EFHD1: variants seen among roughly 807,000 people sequenced by gnomAD.
The protein encoded by EFHD1 is EF-hand domain-containing protein D1.
In EFHD1, 10 loss-of-function variants were observed where a neutral mutation model predicts 17.2. The ratio of observed to expected loss-of-function variants is 0.58; its 90% CI spans 0.36 to 0.99. The LOEUF (loss-of-function observed/expected upper bound fraction) is 0.99, where lower values mean the gene tolerates loss of function less well. EFHD1 is among the 50% of genes least tolerant of loss of function. EFHD1 has a pLI of 0.01. For synonymous variants in EFHD1, 153 were observed against 142.0 expected (o/e 1.08, Z -0.55); for missense variants, 310 against 327.5 (o/e 0.95, Z 0.41).
chr2:232,640,948 T>C (rs2106197739), intron 1 of EFHD1, among the ~76,000 whole-genome samples: 1 of 152,214 alleles, frequency 6.6e-6, no homozygotes, highest in Middle Eastern at 3.4e-3. Context: ...TGGTGAGTGC[T>C]TGACCTTGGA....
upstream of EFHD1, among the ~76,000 whole-genome samples, chr2:232,631,310 C>T (rs1292284644): frequency 6.6e-6 from 1 of 151,750 alleles, no homozygotes; most frequent in African/African-American, 2.4e-5. Flanking sequence ...CTCTGTCTCT[C>T]TCTCTCTCTC....
rs916042652 is a variant in EFHD1 at position 232,663,288 on chromosome 2, G to A, written c.450+339G>A. Among the ~76,000 whole-genome samples, 7 of 151,914 alleles carry A rather than the reference G, an allele frequency of 4.6e-5. No homozygotes were observed. In the South Asian group the frequency reaches 8.3e-4, roughly 18 times the overall value. ...ATATTAAAGCTTTTCATTTTTTAAC[G>A]TATTTTTAAAATTTTTTATTTTTAA... On this transcript the variant is annotated intron_variant, in intron 2 of 3. Coordinates refer to ENST00000264059, the MANE Select transcript of EFHD1 (RefSeq NM_025202.4).
At chr2:232,681,555 G>A (rs559390060) in intron 3 of EFHD1, 30 bp from the exon 4 acceptor site, 10 of 1,607,920 alleles carry the variant, frequency 6.2e-6, no homozygotes, top group African/African-American at 4.0e-5. Context: ...TCCCTTACTC[G>A]TTTGGTCTAT....
chr2:232,620,387 C>CA (rs78046050), intron 1 of EFHD1, among the ~76,000 whole-genome samples: 2,759 of 81,750 alleles, frequency 0.034, 88 homozygotes, highest in African/African-American at 0.11. Context: ...GACTCCATCT[C>CA]AAAAAAAAAA....
In EFHD1 at chr2:232,672,581, C is replaced by T. The variant is rs868254494; in HGVS notation, c.585+138C>T. The T allele has an allele frequency of 9.1e-5, 112 of 1,232,500 alleles. 7 individuals carry two copies. Among genetic ancestry groups the T allele is most frequent in the South Asian group, 3.1e-5 (2 of 65,228 alleles). The allele number at this position is 1,232,500 out of a possible 1,614,324, so 76.3% of individuals were successfully genotyped here. ...GAGGGTCCTCCCAGTGCTCTGCCAA[C>T]CAGCAAGTGGGTGCCAGTCCACCTG... is the stretch of plus-strand genomic sequence containing the variant. On this transcript the variant is annotated intron_variant, in intron 3 of 3. Transcript: ENST00000264059.
intron 3 of EFHD1, among the ~76,000 whole-genome samples, chr2:232,679,588 C>T (rs6731991): frequency 0.15 from 22,841 of 151,382 alleles, 1,837 homozygotes; most frequent in South Asian, 0.23. Context: ...GTGGCATGCA[C>T]CTATAGGCCT....
chr2:232,645,786 A>G (rs1281150544), intron 1 of EFHD1, among the ~76,000 whole-genome samples: 1 of 152,178 alleles, frequency 6.6e-6, no homozygotes, highest in African/African-American at 2.4e-5. Flanking sequence ...CATTTCACAG[A>G]TGAGGAAACT....
At chr2:232,663,553 G>T (rs1433788513) in intron 2 of EFHD1, among the ~76,000 whole-genome samples, 1 of 151,990 alleles carries the variant, frequency 6.6e-6, no homozygotes, top group East Asian at 1.9e-4. Context: ...TTTTAGTAGA[G>T]ATGGGGTTTT....
At chr2:232,665,645 C>T (rs1253073708) in intron 2 of EFHD1, among the ~76,000 whole-genome samples, 1 of 152,210 alleles carries the variant, frequency 6.6e-6, no homozygotes, top group African/African-American at 2.4e-5. Context: ...TGGTCTTGAA[C>T]TCCTGGCCTC....
chr2:232,653,095 G>T (rs1694689384), intron 1 of EFHD1, among the ~76,000 whole-genome samples: 1 of 152,090 alleles, frequency 6.6e-6, no homozygotes, highest in African/African-American at 2.4e-5. Flanking sequence ...CTGGGTTCAA[G>T]AGTTTCTTCT....
Position 232,681,704 on chromosome 2 carries a change from C to T in EFHD1, c.705C>T (p.Ala235=). The T allele has an allele frequency of 6.2e-7, 1 of 1,614,182 alleles. No individual in the cohort carries two copies. Among genetic ancestry groups the T allele is most frequent in the Non-Finnish European group, 8.5e-7 (1 of 1,180,008 alleles). The change falls in exon 4 of 4, where the codon GCC becomes GCT. Residue 235 remains alanine, a synonymous_variant. Coordinates refer to ENST00000264059, the MANE Select transcript of EFHD1 (RefSeq NM_025202.4). ...AGGCAGCCTTCCAGAAACTCAAGGC[C>T]AACTTCAATACATAGTCCTGCTGAC... ...LRQAAFQKLK[A]NFNT
rs116801727 is a variant in EFHD1, at chr2:232,610,565, G to A, written c.14+4392G>A. ...AGCCTGGGCGACAGAGTGAGACTCC[G>A]TCCCCCCGCCCCGAAAAAATATACT... On this transcript the variant is annotated intron_variant, in intron 1 of 3. Transcript: ENST00000409613. 5.9e-3 allele frequency among the ~76,000 whole-genome samples: 883 copies of A among 150,474 alleles called. 5 individuals are homozygous for A. The highest frequency in any genetic ancestry group is 0.019 in the African/African-American group (760 of 40,862).
In EFHD1 at chr2:232,681,888, C is replaced by G. The variant is rs1695290777; in HGVS notation, c.*169C>G. 8.9e-7 allele frequency: 1 copy of G among 1,126,822 alleles called. No individual in the cohort carries two copies. The highest frequency in any genetic ancestry group is 2.7e-5 in the East Asian group (1 of 36,882). The allele number at this position is 1,126,822 out of a possible 1,614,324, so 69.8% of individuals were successfully genotyped here. A position where few individuals can be genotyped will look rare whatever the true frequency, so the allele number is the denominator to read the frequency against. On this transcript the variant is annotated 3_prime_UTR_variant, in exon 4 of 4. Coordinates refer to ENST00000264059, the MANE Select transcript of EFHD1 (RefSeq NM_025202.4). ...TTCATTCCTCCCAGTGTCCAAGCCC[C>G]TCCAGGAGGGTCCTGGGGTGGGCCA... is the stretch of plus-strand genomic sequence containing the variant.
intron 1 of EFHD1, among the ~76,000 whole-genome samples, chr2:232,620,382 C>T (rs1693999164): frequency 2.8e-5 from 4 of 143,622 alleles, no homozygotes; most frequent in South Asian, 2.2e-4. Flanking sequence ...AACGAGACTC[C>T]ATCTCAAAAA....
intron 3 of EFHD1, among the ~76,000 whole-genome samples, chr2:232,678,037 C>A (rs566321477): frequency 6.6e-6 from 1 of 152,174 alleles, no homozygotes; most frequent in East Asian, 1.9e-4. Flanking sequence ...AATCCCAGAA[C>A]TTTGGGAGGC....
At chr2:232,637,015 C>A (rs527558920) in intron 1 of EFHD1, among the ~76,000 whole-genome samples, 1 of 152,048 alleles carries the variant, frequency 6.6e-6, no homozygotes, top group Non-Finnish European at 1.5e-5. Flanking sequence ...GGAAGGAACT[C>A]GTTAGCTCCT....
chr2:232,626,478 G>A (rs1400947794), intron 1 of EFHD1, among the ~76,000 whole-genome samples: 2 of 152,108 alleles, frequency 1.3e-5, no homozygotes, highest in Non-Finnish European at 2.9e-5. Flanking sequence ...AACCCGGGAG[G>A]TGGAGGTTGC....
At chr2:232,646,300 C>T (rs959708753) in intron 1 of EFHD1, among the ~76,000 whole-genome samples, 1 of 152,132 alleles carries the variant, frequency 6.6e-6, no homozygotes, top group Admixed American at 6.5e-5. Flanking sequence ...TGGTTCCCCC[C>T]ACCCAGGCCT....
chr2:232,660,749 G>A lies in EFHD1; in HGVS notation c.303-2053G>A, dbSNP rs562620195. On this transcript the variant is annotated intron_variant, in intron 1 of 3. Coordinates refer to ENST00000264059, the MANE Select transcript of EFHD1 (RefSeq NM_025202.4). ...TCCCAAGACTCTAGGAGGCCAAGGC[G>A]GGCGGATCATGTGAGGTCAGGTGTT... 7.2e-5 allele frequency among the ~76,000 whole-genome samples: 11 copies of A among 152,168 alleles called. 1 individual carries two copies. The East Asian group carries it at 7.7e-4, about 11-fold the overall frequency.
Sources: allele counts gnomAD v4.1 joint callset (sites outside exome capture counted in the v4.1 genomes callset), GRCh38; gene constraint gnomAD v4.1.1; transcripts MANE v1.5; gene names NCBI Gene and HGNC (gene_info 2026-07-23, HGNC 2026-07-21).